ABCC6: variants seen among roughly 807,000 people sequenced by gnomAD.
ABCC6 encodes ATP binding cassette subfamily C member 6, also known as ATP-binding cassette sub-family C member 6.
A neutral mutation model predicts 169.5 loss-of-function variants in ABCC6; 126 were observed. That is an observed-to-expected ratio of 0.74 (90% CI 0.64 to 0.86). The LOEUF (loss-of-function observed/expected upper bound fraction) is 0.86. ABCC6 is among the 40% of genes least tolerant of loss of function. The probability of loss-of-function intolerance (pLI) is 0.00; values close to 1 mark genes in which losing one functional copy is unlikely to be tolerated. For missense variants in ABCC6, 1,733 were observed against 1,927.2 expected (o/e 0.90, Z 1.89); for synonymous variants, 752 against 814.7 (o/e 0.92, Z 1.31).
At chr16:16,168,861 A>T (rs1388578743) in intron 22 of ABCC6, among the ~76,000 whole-genome samples, 1 of 152,098 alleles carries the variant, frequency 6.6e-6, no homozygotes, top group Non-Finnish European at 1.5e-5. Flanking sequence ...CGGGCAGATC[A>T]TTTGAGGTCA....
rs559530973 is a variant in ABCC6 at position 16,181,377 on chromosome 16, G to C, written c.2247+1035C>G. On this transcript the variant is annotated intron_variant, in intron 17 of 30. Coordinates refer to ENST00000205557, the MANE Select transcript of ABCC6 (RefSeq NM_001171.6). ...AAAAAAAAAAAAAAAAAGAGAAAAA[G>C]CAGGTGCAGGTGTAGGGTGCACTAA... Among the ~76,000 whole-genome samples, 268 of 150,076 alleles carry C rather than the reference G, an allele frequency of 1.8e-3. 1 individual carries two copies. Among genetic ancestry groups the C allele is most frequent in the African/African-American group, 6.2e-3 (254 of 40,716 alleles).
intron 11 of ABCC6, among the ~76,000 whole-genome samples, chr16:16,191,379 G>C (rs998819847): frequency 6.6e-6 from 1 of 152,012 alleles, no homozygotes; most frequent in Non-Finnish European, 1.5e-5. Context: ...GCCTCCCAAA[G>C]TGCTGGGATT....
chr16:16,163,236 A>C (rs369761107), intron 23 of ABCC6, 44 bp from the exon 24 acceptor site: 8 of 1,584,484 alleles, frequency 5.0e-6, no homozygotes, highest in Non-Finnish European at 6.9e-6. Context: ...AGCCACAGAC[A>C]TAGAGAGGTA....
chr16:16,216,304 T>C (rs1340080184), intron 4 of ABCC6, among the ~76,000 whole-genome samples: 1 of 151,832 alleles, frequency 6.6e-6, no homozygotes, highest in Non-Finnish European at 1.5e-5. Context: ...TATTATTCTT[T>C]CTGTTTTTTT....
chr16:16,150,911 G>A, intron 29 of ABCC6, 139 bp from the exon 30 acceptor site: 1 of 1,495,348 alleles, frequency 6.7e-7, no homozygotes, highest in Non-Finnish European at 9.0e-7. Flanking sequence ...TGGGGTCTGG[G>A]GTCTGTGGTC....
At chr16:16,157,918 A>T (rs2046603969) in intron 26 of ABCC6, 109 bp from the exon 27 acceptor site, 1 of 1,238,056 alleles carries the variant, frequency 8.1e-7, no homozygotes, top group Non-Finnish European at 1.1e-6. Context: ...GGACGTATTT[A>T]TTGCTGTTTT....
Position 16,198,131 on chromosome 16 carries a change from C to T in ABCC6, c.1228G>A (p.Val410Ile). The T allele has an allele frequency of 1.2e-6, 2 of 1,611,200 alleles. No homozygotes were observed. Among genetic ancestry groups the T allele is most frequent in the Non-Finnish European group, 1.7e-6 (2 of 1,178,744 alleles). ...TGCACGTCCACGGACACCAGATTGA[C>T]CACATCACCCACCGCACTGGCCTTT... ...SRKASAVGDV[V>I]NLVSVDVQRL... The change falls in exon 10 of 31, where the codon GTC becomes ATC. Residue 410 changes from valine to isoleucine, a missense_variant. Transcript: ENST00000205557.
At chr16:16,156,769 C>T (rs2046563749) in intron 27 of ABCC6, among the ~76,000 whole-genome samples, 1 of 151,740 alleles carries the variant, frequency 6.6e-6, no homozygotes, top group Admixed American at 6.6e-5. Context: ...ATGGTGAAAC[C>T]CTGTCTCTAC....
At chr16:16,196,040 T>C (rs905676961) in intron 10 of ABCC6, among the ~76,000 whole-genome samples, 3 of 151,964 alleles carry the variant, frequency 2.0e-5, no homozygotes, top group African/African-American at 7.3e-5. Context: ...TGAAACCCAG[T>C]TTCTACTAAA....
chr16:16,209,313 A>C (rs1567536940), intron 6 of ABCC6, among the ~76,000 whole-genome samples: 2 of 151,954 alleles, frequency 1.3e-5, no homozygotes, highest in Non-Finnish European at 2.9e-5. Flanking sequence ...CGAACTCCTG[A>C]CCTCAGGTGA....
intron 7 of ABCC6, among the ~76,000 whole-genome samples, chr16:16,206,398 GCGA>G (rs2048392623): frequency 6.6e-6 from 1 of 151,970 alleles, no homozygotes; most frequent in African/African-American, 2.4e-5. Flanking sequence ...GCCAATGCGG[GCGA>G]ATCACCTGAG....
chr16:16,164,348 TCTGA>T (rs759838312), intron 23 of ABCC6, among the ~76,000 whole-genome samples: 17 of 152,098 alleles, frequency 1.1e-4, no homozygotes, highest in Non-Finnish European at 2.1e-4. Context: ...ATGGTTTTTA[TCTGA>T]CTACCATGTT....
At chr16:16,209,754 T>A (rs2048533226) in intron 6 of ABCC6, among the ~76,000 whole-genome samples, 1 of 151,876 alleles carries the variant, frequency 6.6e-6, no homozygotes, top group Non-Finnish European at 1.5e-5. Flanking sequence ...CAAGCCACCA[T>A]CACACCTGGC....
intron 23 of ABCC6, 84 bp downstream of exon 23, chr16:16,165,539 T>A: frequency 6.7e-7 from 1 of 1,489,150 alleles, no homozygotes; most frequent in Non-Finnish European, 9.3e-7. Context: ...GGGTGAAACC[T>A]CATATATGGA....
At chr16:16,185,700 G>T (rs2152264755) in intron 14 of ABCC6, among the ~76,000 whole-genome samples, 1 of 152,288 alleles carries the variant, frequency 6.6e-6, no homozygotes, top group African/African-American at 2.4e-5. Context: ...CAGGAGAATT[G>T]CTTGAACCCA....
chr16:16,178,823 C>T lies in ABCC6; in HGVS notation c.2390G>A (p.Gly797Glu), dbSNP rs768570780. Residue 797 changes from glycine to glutamate, a missense_variant, in exon 18 of 31, where the codon GGG (glycine) becomes GAG (glutamate). Physicochemically the swap from Gly to Glu is moderately conservative, Grantham distance 98 (BLOSUM62 -2). Transcript: ENST00000205557. ...VGQHVFNQVI[G>E]PGGLLQGTTR... is the part of the protein sequence containing the mutation. The stretch of plus-strand genomic sequence containing the variant: ...TGTTCCCTGGAGTAGTCCACCAGGC[C>T]CAATGACCTGGTTGAAGACATGCTG... 6 of 1,613,900 alleles carry T rather than the reference C, an allele frequency of 3.7e-6. No individual in the cohort carries two copies. In the South Asian group the frequency reaches 6.6e-5, roughly 18 times the overall value.
At chr16:16,178,688 A>T (rs2152252182) in intron 18 of ABCC6, 110 bp downstream of exon 18, 1 of 1,261,306 alleles carries the variant, frequency 7.9e-7, no homozygotes, top group Non-Finnish European at 1.2e-6. Context: ...ACAAAGAGGA[A>T]ATTGGACTCA....
At chr16:16,159,455 A>G in intron 26 of ABCC6, 27 bp downstream of exon 26, 37 of 1,500,820 alleles carry the variant, frequency 2.5e-5, no homozygotes, top group Non-Finnish European at 3.3e-5. Flanking sequence ...CCTTGCTGGG[A>G]CCCCCTCCCC....
intron 10 of ABCC6, 58 bp downstream of exon 10, chr16:16,197,963 G>A: frequency 6.5e-7 from 1 of 1,538,184 alleles, no homozygotes; most frequent in South Asian, 1.2e-5. Flanking sequence ...GAAGGAGGAG[G>A]GGGAGAAGGA....
Sources: gnomAD v4.1 joint callset for allele counts (sites outside exome capture counted in the v4.1 genomes callset) on GRCh38, gnomAD v4.1.1 for gene constraint, MANE v1.5 for transcripts, NCBI Gene and HGNC (gene_info 2026-07-23, HGNC 2026-07-21) for gene names.